Variants in RUNX1 observed in about 807,000 individuals in gnomAD.
RUNX1 encodes RUNX family transcription factor 1, also known as runt-related transcription factor 1.
RUNX1 carries 19 observed loss-of-function variants against 42.8 expected under a neutral mutation model. That is an observed-to-expected ratio of 0.44 (90% CI 0.31 to 0.65). The LOEUF (loss-of-function observed/expected upper bound fraction) is 0.65, where lower values mean the gene tolerates loss of function less well. RUNX1 is among the 30% of genes least tolerant of loss of function. The pLI is 0.07. For synonymous variants in RUNX1, 271 were observed against 289.4 expected (o/e 0.94, Z 0.64); for missense variants, 528 against 672.0 (o/e 0.79, Z 2.37).
At chr21:34,898,370 C>A (rs1417791087) in intron 2 of RUNX1, among the ~76,000 whole-genome samples, 3 of 152,034 alleles carry the variant, frequency 2.0e-5, no homozygotes, top group East Asian at 3.9e-4. Context: ...AAAACAAGTA[C>A]CCTGGGCATG....
chr21:34,847,909 C>T (rs62211770), intron 6 of RUNX1, among the ~76,000 whole-genome samples: 47,443 of 151,798 alleles, frequency 0.31, 7,762 homozygotes, highest in East Asian at 0.49. Context: ...AGGGCCAAAT[C>T]TGCCAAGCTT....
intron 2 of RUNX1, among the ~76,000 whole-genome samples, chr21:34,988,143 C>T (rs1480048354): frequency 1.3e-5 from 2 of 152,132 alleles, no homozygotes. Context: ...CCAAGACATC[C>T]CTATTGCCTG....
intron 5 of RUNX1, among the ~76,000 whole-genome samples, chr21:34,873,990 C>T (rs1169305481): frequency 6.6e-6 from 1 of 152,176 alleles, no homozygotes; most frequent in African/African-American, 2.4e-5. Context: ...TCATTAAATC[C>T]ACACTGCTCA....
chr21:34,911,900 C>T (rs942100417), intron 2 of RUNX1, among the ~76,000 whole-genome samples: 5 of 152,116 alleles, frequency 3.3e-5, no homozygotes. Flanking sequence ...GCTGCTCAAC[C>T]GTCATCTACT....
chr21:34,979,086 C>CT lies in RUNX1; in HGVS notation c.58+69755dup, dbSNP rs1178200506. ...CGTAATTTCCATCTCGCCTGCAACT[C>CT]TGAGCCCTGAAGGCTCCAGTCAAGC... On this transcript the variant is annotated intron_variant, in intron 2 of 8. Transcript: ENST00000675419. Among the ~76,000 whole-genome samples, 3 of 152,154 alleles carry CT rather than the reference C, an allele frequency of 2.0e-5. No individual in the cohort carries two copies. In the East Asian group the frequency reaches 5.8e-4, roughly 29 times the overall value.
intron 2 of RUNX1, among the ~76,000 whole-genome samples, chr21:34,908,196 G>A (rs1439068298): frequency 1.3e-5 from 2 of 152,128 alleles, no homozygotes; most frequent in Non-Finnish European, 2.9e-5. Context: ...AAAGTCATTC[G>A]AACAGAGTAA....
chr21:35,016,589 T>G (rs564967124), intron 2 of RUNX1, among the ~76,000 whole-genome samples: 1 of 152,234 alleles, frequency 6.6e-6, no homozygotes, highest in Non-Finnish European at 1.5e-5. Flanking sequence ...TACAGTTCAA[T>G]TCCCTCATCC....
chr21:34,897,850 G>A (rs778509564), intron 2 of RUNX1, among the ~76,000 whole-genome samples: 4 of 152,120 alleles, frequency 2.6e-5, no homozygotes, highest in Admixed American at 6.5e-5. Context: ...GTCATGCTCT[G>A]GTTATGTTAC....
chr21:34,882,293 A>G (rs2057916682), intron 4 of RUNX1, among the ~76,000 whole-genome samples: 1 of 152,118 alleles, frequency 6.6e-6, no homozygotes, highest in Admixed American at 6.5e-5. Flanking sequence ...GTTTTTATTC[A>G]TTAGAACTGC....
intron 2 of RUNX1, among the ~76,000 whole-genome samples, chr21:35,010,627 A>ACG (rs747144795): frequency 8.0e-6 from 1 of 124,416 alleles, no homozygotes; most frequent in African/African-American, 3.9e-5. Flanking sequence ...ACACACACGC[A>ACG]CACACACACA....
rs1310933963 is a variant in RUNX1, at chr21:34,837,603, G to A, written c.614-3002C>T. On this transcript the variant is annotated intron_variant, in intron 6 of 8. Transcript: ENST00000675419. ...CAGTTAAAAGGCTCATTTGCCCCCC[G>A]AATGTTAAATAGAGGAGTATGGAAA... Among the ~76,000 whole-genome samples the A allele has an allele frequency of 3.3e-5, 5 of 152,242 alleles. No individual in the cohort carries two copies. In the East Asian group the frequency reaches 7.7e-4, roughly 23 times the overall value.
chr21:34,828,641 G>A (rs1404243213), intron 7 of RUNX1, among the ~76,000 whole-genome samples: 1 of 152,220 alleles, frequency 6.6e-6, no homozygotes, highest in African/African-American at 2.4e-5. Flanking sequence ...TCATGGCAAT[G>A]TTGAGAGGTG....
intron 2 of RUNX1, among the ~76,000 whole-genome samples, chr21:34,999,174 C>A (rs2146866548): frequency 6.6e-6 from 1 of 152,326 alleles, no homozygotes; most frequent in East Asian, 1.9e-4. Flanking sequence ...AGAGCCGGAG[C>A]TTGGAGGCTG....
intron 2 of RUNX1, among the ~76,000 whole-genome samples, chr21:34,919,751 A>G (rs2058340269): frequency 6.6e-6 from 1 of 152,222 alleles, no homozygotes; most frequent in Non-Finnish European, 1.5e-5. Flanking sequence ...TTGATAATTG[A>G]GTATTATTAG....
intron 8 of RUNX1, chr21:34,798,210 G>A (rs148265634): frequency 3.1e-4 from 138 of 446,742 alleles, no homozygotes; most frequent in Admixed American, 1.1e-3. Context: ...GACCCGCCCC[G>A]TTCCCCCAAC....
At chr21:34,959,748 G>A (rs1260620265) in intron 2 of RUNX1, among the ~76,000 whole-genome samples, 1 of 152,138 alleles carries the variant, frequency 6.6e-6, no homozygotes, top group Non-Finnish European at 1.5e-5. Flanking sequence ...GGAGTTAGAA[G>A]GAAAAAGTAT....
chr21:34,833,461 C>G (rs2057094977), intron 7 of RUNX1: 1 of 152,282 alleles, frequency 6.6e-6, no homozygotes, highest in Admixed American at 6.5e-5. Flanking sequence ...CCCAAAGGAA[C>G]AGATGATATT....
intron 2 of RUNX1, among the ~76,000 whole-genome samples, chr21:35,021,339 A>C (rs2059196667): frequency 6.6e-6 from 1 of 152,216 alleles, no homozygotes; most frequent in South Asian, 2.1e-4. Flanking sequence ...AGCACTGTCT[A>C]AGTGTTTATG....
intron 6 of RUNX1, among the ~76,000 whole-genome samples, chr21:34,845,452 C>G (rs2057301949): frequency 6.6e-6 from 1 of 152,254 alleles, no homozygotes; most frequent in South Asian, 2.1e-4. Context: ...CCTTGAGTCT[C>G]TGCCTATGGC....
Sources: gnomAD v4.1 joint callset for allele counts (sites outside exome capture counted in the v4.1 genomes callset) on GRCh38, gnomAD v4.1.1 for gene constraint, MANE v1.5 for transcripts, NCBI Gene and HGNC (gene_info 2026-07-23, HGNC 2026-07-21) for gene names.